SNX7: variants seen among roughly 807,000 people sequenced by gnomAD.
The protein encoded by SNX7 is sorting nexin-7.
In SNX7, 35 loss-of-function variants were observed where a neutral mutation model predicts 48.4. That is an observed-to-expected ratio of 0.72 (90% CI 0.55 to 0.96). The LOEUF is 0.96. SNX7 is among the 40% of genes least tolerant of loss of function. The pLI is 0.00. For missense variants in SNX7, 553 were observed against 548.9 expected, an observed-to-expected ratio of 1.01 and a Z score of -0.07; for synonymous variants, 190 against 190.2, an observed-to-expected ratio of 1.00 and a Z score of 0.01.
intron 1 of SNX7, 121 bp from the exon 2 acceptor site, chr1:98,684,764 T>G: frequency 1.5e-6 from 1 of 672,514 alleles, no homozygotes; most frequent in Admixed American, 3.8e-5. Context: ...TATACCACAT[T>G]TAACTAAAAG....
rs146016703 is a variant in SNX7, at chr1:98,665,459, T to C, written c.180+3548T>C. 6.7e-4 allele frequency among the ~76,000 whole-genome samples: 102 copies of C among 152,318 alleles called. 2 individuals carry two copies. In the East Asian group the frequency reaches 0.019, roughly 28 times the overall value. On this transcript the variant is annotated intron_variant, in intron 1 of 8. Coordinates refer to ENST00000306121, the MANE Select transcript of SNX7 (RefSeq NM_015976.5). Reference sequence around the variant, plus strand: ...CACACTTTGAAAAAAACATGATCAATAGAAGCTACAAGTTTTATAAGAATA... The same window carrying C: ...CACACTTTGAAAAAAACATGATCAACAGAAGCTACAAGTTTTATAAGAATA...
intron 7 of SNX7, among the ~76,000 whole-genome samples, chr1:98,721,376 G>A (rs910674990): frequency 6.6e-6 from 1 of 152,204 alleles, no homozygotes; most frequent in Non-Finnish European, 1.5e-5. Flanking sequence ...ACAATGCATA[G>A]CAGTTAAATA....
chr1:98,709,848 T>C (rs1360991243), intron 7 of SNX7, among the ~76,000 whole-genome samples: 1 of 152,160 alleles, frequency 6.6e-6, no homozygotes, highest in Non-Finnish European at 1.5e-5. Context: ...TTTTCCTTAC[T>C]CTCATGTTCT....
intron 7 of SNX7, among the ~76,000 whole-genome samples, chr1:98,723,586 CG>C (rs957791964): frequency 6.6e-5 from 10 of 151,716 alleles, no homozygotes; most frequent in African/African-American, 2.4e-4. Context: ...AATTCTAGGT[CG>C]GGTGCAGTGG....
intron 4 of SNX7, among the ~76,000 whole-genome samples, chr1:98,692,422 C>A (rs2100956652): frequency 6.6e-6 from 1 of 152,194 alleles, no homozygotes; most frequent in East Asian, 1.9e-4. Flanking sequence ...ACTTAGCAAG[C>A]AATTCAACTT....
At chr1:98,700,270 A>G (rs529190686) in intron 6 of SNX7, among the ~76,000 whole-genome samples, 1 of 152,276 alleles carries the variant, frequency 6.6e-6, no homozygotes, top group South Asian at 2.1e-4. Context: ...TTCCATAAAA[A>G]TGATTAATTT....
Position 98,710,709 on chromosome 1 carries a change from A to G in SNX7, c.1125+8806A>G, listed in dbSNP as rs923014533. The stretch of plus-strand genomic sequence containing the variant: ...TATGTCCTAAGGTTCTGTCTTACGT[A>G]TCTCTTTCACTCCTGGCCCTGCCTG... On this transcript the variant is annotated intron_variant, in intron 7 of 8. Coordinates refer to ENST00000306121, the MANE Select transcript of SNX7 (RefSeq NM_015976.5). Among the ~76,000 whole-genome samples the G allele has an allele frequency of 2.6e-5, 4 of 152,338 alleles. No individual in the cohort carries two copies. The East Asian group carries it at 7.7e-4, about 29-fold the overall frequency.
chr1:98,734,103 A>G (rs1653655443), intron 7 of SNX7, among the ~76,000 whole-genome samples: 1 of 151,908 alleles, frequency 6.6e-6, no homozygotes, highest in African/African-American at 2.4e-5. Flanking sequence ...GCAGCATACT[A>G]TTTCTGTGGT....
chr1:98,669,115 C>T (rs963472565), intron 1 of SNX7, among the ~76,000 whole-genome samples: 12 of 152,202 alleles, frequency 7.9e-5, no homozygotes, highest in Admixed American at 2.6e-4. Context: ...TTCCCCAACC[C>T]GTTGTCTTTT....
chr1:98,667,928 A>C (rs1302158159), intron 1 of SNX7, among the ~76,000 whole-genome samples: 2 of 151,886 alleles, frequency 1.3e-5, no homozygotes, highest in African/African-American at 2.4e-5. Context: ...AACAAAAAAA[A>C]CAAAACAAAC....
rs36004083 is a variant in SNX7 at position 98,691,338 on chromosome 1, A to AT, written c.474+163dup. Among the ~76,000 whole-genome samples the AT allele has an allele frequency of 1.6e-3, 245 of 150,116 alleles. 1 individual carries two copies. Among genetic ancestry groups the AT allele is most frequent in the African/African-American group, 5.6e-3 (231 of 40,896 alleles). On this transcript the variant is annotated intron_variant, in intron 3 of 8. Transcript: ENST00000306121. ...TTTCTAAGTGTTTCAATCAATGTACATTTTTTTTTTAAAAAAAACTCTTCA... is the reference window on the plus strand; with the variant it reads ...TTTCTAAGTGTTTCAATCAATGTACATTTTTTTTTTTAAAAAAAACTCTTCA...
At position 98,721,232 on chromosome 1, in the gene SNX7, C is replaced by T. The variant is rs533726953; in HGVS notation, c.1126-17005C>T. 2.3e-4 allele frequency among the ~76,000 whole-genome samples: 35 copies of T among 152,110 alleles called. No homozygotes were observed. The South Asian group carries it at 6.2e-3, about 27-fold the overall frequency. On this transcript the variant is annotated intron_variant, in intron 7 of 8. Coordinates refer to ENST00000306121, the MANE Select transcript of SNX7 (RefSeq NM_015976.5). The stretch of plus-strand genomic sequence containing the variant: ...GATTTTCAGATTAGGAATGCTGAAC[C>T]GGTAGGTGTAGTGCAGATATTCCAA...
intron 7 of SNX7, among the ~76,000 whole-genome samples, chr1:98,706,957 C>T (rs138767553): frequency 6.6e-6 from 1 of 152,168 alleles, no homozygotes; most frequent in African/African-American, 2.4e-5. Flanking sequence ...CCCAATGGAG[C>T]TATTGAGTAG....
At chr1:98,730,407 G>A (rs933975191) in intron 7 of SNX7, among the ~76,000 whole-genome samples, 7 of 152,038 alleles carry the variant, frequency 4.6e-5, no homozygotes, top group African/African-American at 1.4e-4. Context: ...AGTTCTGGCC[G>A]GGGCAGTCAG....
intron 4 of SNX7, among the ~76,000 whole-genome samples, chr1:98,694,090 G>A (rs924501041): frequency 1.3e-5 from 2 of 152,212 alleles, no homozygotes; most frequent in Non-Finnish European, 2.9e-5. Flanking sequence ...AGTTTTCTCA[G>A]CTGGGCGCGG....
chr1:98,710,911 G>A (rs1652266635), intron 7 of SNX7, among the ~76,000 whole-genome samples: 2 of 152,028 alleles, frequency 1.3e-5, no homozygotes, highest in African/African-American at 2.4e-5. Flanking sequence ...ATGAATTAAC[G>A]TTTATATATC....
Position 98,661,916 on chromosome 1 carries a change from G to A in SNX7, c.180+5G>A. ...GACCTGGAGGTGTTCAGCAAGGTGAGGGCGGCGGCGGCGAGTCCCGGGAAA... is the reference window on the plus strand; with the variant it reads ...GACCTGGAGGTGTTCAGCAAGGTGAAGGCGGCGGCGGCGAGTCCCGGGAAA... On this transcript the variant is annotated splice_donor_5th_base_variant and intron_variant, in intron 1 of 8. Transcript: ENST00000306121. 1 of 1,246,868 alleles carries A rather than the reference G, an allele frequency of 8.0e-7. No homozygotes were observed. Among genetic ancestry groups the A allele is most frequent in the Non-Finnish European group, 1.0e-6 (1 of 987,316 alleles). The allele number at this position is 1,246,868 out of a possible 1,614,324, so 77.2% of individuals were successfully genotyped here. A position where few individuals can be genotyped will look rare whatever the true frequency, so the allele number is the denominator to read the frequency against.
At chr1:98,730,177 G>A (rs1408524998) in intron 7 of SNX7, among the ~76,000 whole-genome samples, 2 of 152,112 alleles carry the variant, frequency 1.3e-5, no homozygotes, top group Admixed American at 6.6e-5. Context: ...TATCTCAATA[G>A]ATGCAGAAAA....
rs759810942 is a variant in SNX7 at position 98,698,871 on chromosome 1, T to C, written c.1004T>C (p.Val335Ala). Residue 335 changes from valine (V) to alanine (A), a missense_variant, in exon 6 of 9, where the codon GTA becomes GCA. Coordinates refer to ENST00000306121, the MANE Select transcript of SNX7 (RefSeq NM_015976.5). The stretch of plus-strand genomic sequence containing the variant: ...CTCTCAGAGGCCCTGCTTCCTGTTG[T>C]ACATGAGTACGTGCTTTATAGTGAA... ...SGLSEALLPV[V>A]HEYVLYSEML... 6 of 1,613,664 alleles carry C rather than the reference T, an allele frequency of 3.7e-6. No homozygotes were observed. The Admixed American group carries it at 1.0e-4, about 27-fold the overall frequency.
Sources: allele counts gnomAD v4.1 joint callset (sites outside exome capture counted in the v4.1 genomes callset), GRCh38; gene constraint gnomAD v4.1.1; transcripts MANE v1.5; gene names NCBI Gene and HGNC (gene_info 2026-07-23, HGNC 2026-07-21).